The following ST8SIA4 variants were observed in gnomAD, a reference collection of about 807,000 sequenced individuals.
The protein encoded by ST8SIA4 is ST8 alpha-N-acetyl-neuraminide alpha-2,8-sialyltransferase 4.
A neutral mutation model predicts 33.9 loss-of-function variants in ST8SIA4; 15 were observed. That is an observed-to-expected ratio of 0.44 (90% CI 0.30 to 0.68). The LOEUF is 0.68. Ranked by LOEUF, ST8SIA4 falls within the 30% of genes least tolerant of loss-of-function variation. The pLI, the probability that ST8SIA4 is intolerant of heterozygous loss-of-function variation, is 0.10. For synonymous variants in ST8SIA4, 171 were observed against 151.2 expected, an observed-to-expected ratio of 1.13 and a Z score of -0.96; for missense variants, 321 against 428.0, an observed-to-expected ratio of 0.75 and a Z score of 2.21.
chr5:100,865,767 G>C (rs1752048820), intron 3 of ST8SIA4, among the ~76,000 whole-genome samples: 2 of 151,872 alleles, frequency 1.3e-5, no homozygotes, highest in Admixed American at 1.3e-4. Context: ...ATCAAATTCT[G>C]CCTCATATAT....
chr5:100,838,459 A>G (rs188026827), intron 4 of ST8SIA4, among the ~76,000 whole-genome samples: 6 of 152,126 alleles, frequency 3.9e-5, no homozygotes, highest in Admixed American at 3.9e-4. Context: ...AGAGATTTTA[A>G]TGAAGACCAA....
In ST8SIA4 at chr5:100,868,839, C is replaced by A. The variant is rs540246648; in HGVS notation, c.504-12443G>T. ...TCAATGCTTTACATAATTTCCCAGG[C>A]AAAATTGTTTCCACTGCTCTGGTGT... On this transcript the variant is annotated intron_variant, in intron 3 of 4. Coordinates refer to ENST00000231461, the MANE Select transcript of ST8SIA4 (RefSeq NM_005668.6). 6.6e-5 allele frequency among the ~76,000 whole-genome samples: 10 copies of A among 152,136 alleles called. No homozygotes were observed. The East Asian group carries it at 1.9e-3, about 29-fold the overall frequency.
rs1750812279 is a variant in ST8SIA4 at position 100,811,254 on chromosome 5, T to G, written c.*593A>C. The stretch of plus-strand genomic sequence containing the variant: ...AATTACTTAAAGTTTATTTCCTCAC[T>G]CATATGCATCTCAGAAAGGATTTCT... On this transcript the variant is annotated 3_prime_UTR_variant, in exon 5 of 5. Coordinates refer to ENST00000231461, the MANE Select transcript of ST8SIA4 (RefSeq NM_005668.6). The G allele has an allele frequency of 6.6e-6, 1 of 152,180 alleles. No homozygotes were observed. Among genetic ancestry groups the G allele is most frequent in the South Asian group, 2.1e-4 (1 of 4,818 alleles). The allele number at this position is 152,180 out of a possible 1,614,324, so 9.4% of individuals were successfully genotyped here. A position where few individuals can be genotyped will look rare whatever the true frequency, so the allele number is the denominator to read the frequency against.
intron 3 of ST8SIA4, chr5:100,885,658 A>T: frequency 1.1e-6 from 1 of 946,050 alleles, no homozygotes; most frequent in Non-Finnish European, 1.3e-6. Context: ...GATCATTAAA[A>T]ACTGCTTATA....
At chr5:100,858,112 A>T (rs2112442292) in intron 3 of ST8SIA4, among the ~76,000 whole-genome samples, 1 of 152,148 alleles carries the variant, frequency 6.6e-6, no homozygotes, top group Admixed American at 6.5e-5. Context: ...AAGATCAAGG[A>T]CTTGATCATT....
chr5:100,892,790 G>C (rs1187435067), intron 2 of ST8SIA4, among the ~76,000 whole-genome samples: 1 of 152,000 alleles, frequency 6.6e-6, no homozygotes, highest in Non-Finnish European at 1.5e-5. Flanking sequence ...TGAACAATGA[G>C]AACACATGGA....
chr5:100,807,099 G>A lies in ST8SIA4; in HGVS notation c.*4748C>T, dbSNP rs568931119. The stretch of plus-strand genomic sequence containing the variant: ...AATTGCCAACCACTAGGGCTAAGGG[G>A]AGTGGAAAAGCAAAGCACAAGCCAA... On this transcript the variant is annotated 3_prime_UTR_variant, in exon 5 of 5. Coordinates refer to ENST00000231461, the MANE Select transcript of ST8SIA4 (RefSeq NM_005668.6). 1 of 152,164 alleles carries A rather than the reference G, an allele frequency of 6.6e-6. No homozygotes were observed. The highest frequency in any genetic ancestry group is 1.9e-4 in the East Asian group (1 of 5,174). 9.4% of individuals were successfully genotyped at this position (152,164 alleles called of 1,614,324 possible). A position where few individuals can be genotyped will look rare whatever the true frequency, so the allele number is the denominator to read the frequency against.
chr5:100,869,948 T>G (rs1039167302), intron 3 of ST8SIA4, among the ~76,000 whole-genome samples: 5 of 152,162 alleles, frequency 3.3e-5, no homozygotes, highest in Non-Finnish European at 5.9e-5. Flanking sequence ...GCTGCACCCA[T>G]TAACTCATCA....
intron 4 of ST8SIA4, among the ~76,000 whole-genome samples, chr5:100,818,707 C>T (rs187406667): frequency 6.6e-5 from 10 of 152,184 alleles, no homozygotes; most frequent in African/African-American, 2.4e-4. Context: ...ATCTTTTCTA[C>T]AGAAGCTCTT....
chr5:100,866,130 G>T (rs2112451240), intron 3 of ST8SIA4, among the ~76,000 whole-genome samples: 1 of 152,174 alleles, frequency 6.6e-6, no homozygotes, highest in South Asian at 2.1e-4. Context: ...TTTACTAAGT[G>T]CTGTCTTGTA....
chr5:100,832,637 C>CT (rs1489780697), intron 4 of ST8SIA4, among the ~76,000 whole-genome samples: 1 of 152,040 alleles, frequency 6.6e-6, no homozygotes, highest in Admixed American at 6.6e-5. Flanking sequence ...TCCTTCTCTT[C>CT]TTTTTTTCAT....
intron 2 of ST8SIA4, among the ~76,000 whole-genome samples, chr5:100,887,951 G>T (rs552291403): frequency 6.6e-6 from 1 of 152,034 alleles, no homozygotes; most frequent in African/African-American, 2.4e-5. Flanking sequence ...ACCCCAATCA[G>T]CAAGAGATAC....
At chr5:100,848,863 AT>A (rs1467307558) in intron 4 of ST8SIA4, among the ~76,000 whole-genome samples, 1 of 150,382 alleles carries the variant, frequency 6.6e-6, no homozygotes, top group Non-Finnish European at 1.5e-5. Flanking sequence ...GTATATATAC[AT>A]GCTTATATAT....
At chr5:100,878,648 A>G (rs1376572652) in intron 3 of ST8SIA4, among the ~76,000 whole-genome samples, 2 of 152,180 alleles carry the variant, frequency 1.3e-5, no homozygotes, top group African/African-American at 4.8e-5. Flanking sequence ...GCTCATAGGT[A>G]CTGAGAAAAG....
At chr5:100,883,168 G>A (rs1752463845) in intron 3 of ST8SIA4, among the ~76,000 whole-genome samples, 1 of 152,218 alleles carries the variant, frequency 6.6e-6, no homozygotes, top group Non-Finnish European at 1.5e-5. Flanking sequence ...CAAAGCCACA[G>A]AGGCGGAGCT....
At chr5:100,826,498 C>G (rs1751147231) in intron 4 of ST8SIA4, among the ~76,000 whole-genome samples, 1 of 151,912 alleles carries the variant, frequency 6.6e-6, no homozygotes, top group South Asian at 2.1e-4. Context: ...AATACGAAAA[C>G]AAAAATCACA....
At chr5:100,826,620 G>T (rs906641279) in intron 4 of ST8SIA4, among the ~76,000 whole-genome samples, 60 of 152,194 alleles carry the variant, frequency 3.9e-4, no homozygotes, top group Non-Finnish European at 2.2e-4. Flanking sequence ...GAACAAACTG[G>T]AAACACTTAT....
chr5:100,845,078 T>C (rs886202972), intron 4 of ST8SIA4, among the ~76,000 whole-genome samples: 18 of 152,054 alleles, frequency 1.2e-4, no homozygotes, highest in Admixed American at 1.2e-3. Flanking sequence ...CAAATGGCGA[T>C]AGCCATAATT....
intron 3 of ST8SIA4, among the ~76,000 whole-genome samples, chr5:100,879,684 T>C (rs1215452855): frequency 6.6e-6 from 1 of 152,202 alleles, no homozygotes; most frequent in Non-Finnish European, 1.5e-5. Context: ...TTTGGAATTA[T>C]AGACTATATA....
Sources: gnomAD v4.1 joint callset for allele counts (sites outside exome capture counted in the v4.1 genomes callset) on GRCh38, gnomAD v4.1.1 for gene constraint, MANE v1.5 for transcripts, NCBI Gene and HGNC (gene_info 2026-07-23, HGNC 2026-07-21) for gene names.